LARS1: variants seen among roughly 807,000 people sequenced by gnomAD.
LARS1 encodes leucyl-tRNA synthetase 1, also known as leucine--tRNA ligase, cytoplasmic.
A neutral mutation model predicts 162.8 loss-of-function variants in LARS1; 100 were observed. The ratio of observed to expected loss-of-function variants is 0.61; its 90% CI spans 0.52 to 0.73. The LOEUF (loss-of-function observed/expected upper bound fraction) is 0.73, where lower values mean the gene tolerates loss of function less well. Ranked by LOEUF, LARS1 falls within the 30% of genes least tolerant of loss-of-function variation. LARS1 has a pLI of 0.00. For missense variants in LARS1, 1,258 were observed against 1,408.9 expected (o/e 0.89, Z 1.71); for synonymous variants, 457 against 462.8 (o/e 0.99, Z 0.16).
intron 2 of LARS1, 125 bp from the exon 3 acceptor site, chr5:146,172,899 A>G: frequency 2.3e-6 from 1 of 430,086 alleles, no homozygotes; most frequent in Non-Finnish European, 4.1e-6. Flanking sequence ...AAAATATTTA[A>G]AAGTAAATTT....
intron 2 of LARS1, among the ~76,000 whole-genome samples, chr5:146,174,557 T>TATATGTATATATCC: frequency 1.2e-5 from 1 of 86,502 alleles, no homozygotes; most frequent in African/African-American, 3.8e-5. Context: ...TATATATCCA[T>TATATGTATATATCC]ATATATATAT....
chr5:146,115,574 G>A (rs1376343539), intron 31 of LARS1, among the ~76,000 whole-genome samples: 5 of 37,902 alleles, frequency 1.3e-4, no homozygotes, highest in African/African-American at 4.7e-4. Context: ...AAAAAATAGC[G>A]CCTGACCAAA....
At chr5:146,119,126 C>G (rs1751698218) in intron 31 of LARS1, among the ~76,000 whole-genome samples, 1 of 152,178 alleles carries the variant, frequency 6.6e-6, no homozygotes, top group Non-Finnish European at 1.5e-5. Context: ...TTTACCTGTA[C>G]CTTTCTTACT....
chr5:146,147,583 TAC>T (rs1288315581), intron 15 of LARS1, among the ~76,000 whole-genome samples: 1 of 151,952 alleles, frequency 6.6e-6, no homozygotes, highest in Non-Finnish European at 1.5e-5. Flanking sequence ...TTTGTATTCA[TAC>T]ACACACACAA....
At position 146,169,055 on chromosome 5, in the gene LARS1, A is replaced by T. The variant is rs186132246; in HGVS notation, c.295-790T>A. On this transcript the variant is annotated intron_variant, in intron 4 of 31. Coordinates refer to ENST00000394434, the MANE Select transcript of LARS1 (RefSeq NM_020117.11). Reference sequence around the variant, plus strand: ...ATTGTGCACATGTACCCCAGAACTTAAAGTATAATAATAAAAAATAAATAA... The same window carrying T: ...ATTGTGCACATGTACCCCAGAACTTTAAGTATAATAATAAAAAATAAATAA... 3.0e-3 allele frequency among the ~76,000 whole-genome samples: 459 copies of T among 152,238 alleles called. 2 individuals are homozygous for T. Among genetic ancestry groups the T allele is most frequent in the African/African-American group, 0.01 (422 of 41,558 alleles).
At chr5:146,165,335 AAACAAC>A (rs903971628) in intron 5 of LARS1, among the ~76,000 whole-genome samples, 1 of 151,988 alleles carries the variant, frequency 6.6e-6, no homozygotes, top group African/African-American at 2.4e-5. Flanking sequence ...ACTCCATCTC[AAACAAC>A]AACAACAACA....
intron 6 of LARS1, among the ~76,000 whole-genome samples, chr5:146,162,121 G>T (rs1753805512): frequency 6.6e-6 from 1 of 152,140 alleles, no homozygotes; most frequent in South Asian, 2.1e-4. Context: ...TTGATATTTT[G>T]ACCTCTTCCC....
chr5:146,181,401 C>T (rs1334356217), intron 1 of LARS1, among the ~76,000 whole-genome samples: 3 of 151,714 alleles, frequency 2.0e-5, no homozygotes, highest in East Asian at 1.9e-4. Flanking sequence ...TAAAACCAGG[C>T]GGGATGGCTC....
intron 2 of LARS1, among the ~76,000 whole-genome samples, chr5:146,175,963 T>C (rs1754541781): frequency 6.6e-6 from 1 of 151,918 alleles, no homozygotes; most frequent in Non-Finnish European, 1.5e-5. Flanking sequence ...GAGACCAGCC[T>C]GGGCAACATA....
At chr5:146,130,332 CA>C (rs1261943781) in intron 24 of LARS1, 174 bp from the exon 25 acceptor site, 2 of 662,238 alleles carry the variant, frequency 3.0e-6, no homozygotes, top group Non-Finnish European at 5.0e-6. Context: ...TATCTTTGTC[CA>C]AAGTATATGG....
chr5:146,141,321 AG>A (rs1317206559), intron 20 of LARS1, among the ~76,000 whole-genome samples: 1 of 151,926 alleles, frequency 6.6e-6, no homozygotes, highest in African/African-American at 2.4e-5. Flanking sequence ...GAAAAGCTAT[AG>A]TAAAAAGAGT....
Position 146,160,406 on chromosome 5 carries a change from T to A in LARS1, c.675A>T (p.Leu225Phe), listed in dbSNP as rs1049686385. The A allele has an allele frequency of 6.3e-7, 1 of 1,575,324 alleles. No homozygotes were observed. Among genetic ancestry groups the A allele is most frequent in the Non-Finnish European group, 8.6e-7 (1 of 1,161,156 alleles). Residue 225 changes from leucine (L) to phenylalanine (F), a missense_variant, in exon 7 of 32, where the codon TTA (leucine) becomes TTT (phenylalanine). Leu to Phe is a conservative substitution (Grantham distance 22). Transcript: ENST00000394434. ...DSFVRWQFLT[L>F]RERNKIKFGK... ...CAAATTTAATTTTGTTTCTTTCTCTTAATGTTAAAAATTGCCATCTGACAA... is the reference window on the plus strand; with the variant it reads ...CAAATTTAATTTTGTTTCTTTCTCTAAATGTTAAAAATTGCCATCTGACAA...
At chr5:146,171,878 A>G (rs759115131) in intron 4 of LARS1, 32 bp downstream of exon 4, 1 of 1,529,512 alleles carries the variant, frequency 6.5e-7, no homozygotes, top group African/African-American at 1.4e-5. Flanking sequence ...CCAACTAAAA[A>G]GAGTAGAAAC....
At position 146,164,401 on chromosome 5, in the gene LARS1, T is replaced by A. The variant is rs1302994490; in HGVS notation, c.503A>T (p.Asp168Val). 6.2e-7 allele frequency: 1 copy of A among 1,613,854 alleles called. No homozygotes were observed. Among genetic ancestry groups the A allele is most frequent in the Non-Finnish European group, 8.5e-7 (1 of 1,179,852 alleles). ...TTCAGAAAATTTTACTATCTCTTCA[T>A]CAGACAGGCCAAGGGATTTCATAAT... ...WGIMKSLGLS[D>V]EEIVKFSEAE... The change falls in exon 6 of 32, where the codon GAT becomes GTT. Residue 168 changes from aspartate to valine, a missense_variant. By Grantham distance (152) the Asp-to-Val change is radical (BLOSUM62 -3). Transcript: ENST00000394434.
chr5:146,140,271 T>A lies in LARS1; in HGVS notation c.2091-10A>T. The A allele has an allele frequency of 1.3e-6, 2 of 1,596,150 alleles. No individual in the cohort carries two copies. The highest frequency in any genetic ancestry group is 2.2e-5 in the East Asian group (1 of 44,800). ...TGTAGGCCATTTGTCACTTCACAGA[T>A]AAATGTTTAAAGATAGAAAATAAAA... On this transcript the variant is annotated splice_polypyrimidine_tract_variant and intron_variant, in intron 20 of 31. Coordinates refer to ENST00000394434, the MANE Select transcript of LARS1 (RefSeq NM_020117.11).
Position 146,135,645 on chromosome 5 carries a change from T to C in LARS1, c.2168A>G (p.Asn723Ser), listed in dbSNP as rs767236717. 7.5e-6 allele frequency: 12 copies of C among 1,597,792 alleles called. No homozygotes were observed. The highest frequency in any genetic ancestry group is 1.2e-5 in the South Asian group (1 of 86,400). The change falls in exon 22 of 32, where the codon AAC becomes AGC. Residue 723 changes from asparagine (N) to serine (S), a missense_variant. Transcript: ENST00000394434. ...NSEKMSKSTG[N>S]FLTLTQAIDK... is the part of the protein sequence containing the mutation. ...AATAGCTTGGGTCAAAGTGAGGAAG[T>C]TGCCTGTGGATTTTGACATCTGAAA...
At position 146,172,322 on chromosome 5, in the gene LARS1, C is replaced by A. The variant is rs1409566575; in HGVS notation, c.214-332G>T. 2.0e-5 allele frequency among the ~76,000 whole-genome samples: 3 copies of A among 152,052 alleles called. No homozygotes were observed. In the South Asian group the frequency reaches 6.2e-4, roughly 32 times the overall value. On this transcript the variant is annotated intron_variant, in intron 3 of 31. Transcript: ENST00000394434. ...CACAAGGTCAAGAGTTTGAGACCATCCTGGCCAATATGGTGAAATCCCGTG... is the reference window on the plus strand; with the variant it reads ...CACAAGGTCAAGAGTTTGAGACCATACTGGCCAATATGGTGAAATCCCGTG...
intron 5 of LARS1, among the ~76,000 whole-genome samples, chr5:146,165,934 C>T (rs937667137): frequency 3.3e-5 from 5 of 152,132 alleles, no homozygotes; most frequent in African/African-American, 1.2e-4. Context: ...GAATGAGACC[C>T]ATGGTGCTAA....
At chr5:146,160,045 C>T (rs1753708046) in intron 7 of LARS1, among the ~76,000 whole-genome samples, 1 of 151,774 alleles carries the variant, frequency 6.6e-6, no homozygotes, top group Non-Finnish European at 1.5e-5. Flanking sequence ...AAAAGGAAAA[C>T]AAAGGATACA....
Sources: allele counts gnomAD v4.1 joint callset (sites outside exome capture counted in the v4.1 genomes callset), GRCh38; gene constraint gnomAD v4.1.1; transcripts MANE v1.5; gene names NCBI Gene and HGNC (gene_info 2026-07-23, HGNC 2026-07-21).